SEMA6A: variants seen among roughly 807,000 people sequenced by gnomAD.
SEMA6A encodes the protein semaphorin-6A.
In SEMA6A, 25 loss-of-function variants were observed where a neutral mutation model predicts 96.8. The ratio of observed to expected loss-of-function variants is 0.26; its 90% CI spans 0.19 to 0.36. SEMA6A has a LOEUF of 0.36. SEMA6A is among the 10% of genes least tolerant of loss of function. The pLI is 1.00. For missense variants in SEMA6A, 1,363 were observed against 1,323.1 expected, an observed-to-expected ratio of 1.03 and a Z score of -0.47; for synonymous variants, 612 against 518.0, an observed-to-expected ratio of 1.18 and a Z score of -2.46.
chr5:116,495,050 C>T (rs750403991), intron 6 of SEMA6A, among the ~76,000 whole-genome samples: 37 of 152,270 alleles, frequency 2.4e-4, no homozygotes, highest in East Asian at 7.7e-4. Context: ...AGAAATCACT[C>T]ACCATATAAG....
Position 116,477,779 on chromosome 5 carries a change from A to G in SEMA6A, c.1649+67T>C, listed in dbSNP as rs1756532885. On this transcript the variant is annotated intron_variant, in intron 15 of 18. Coordinates refer to ENST00000343348, the MANE Select transcript of SEMA6A (RefSeq NM_020796.5). ...GTGGTGGTGTGTGTGAGCAGAGCAA[A>G]TCTTACATCTAGAATACACCTTGGC... 1.3e-6 allele frequency: 2 copies of G among 1,505,718 alleles called. 1 individual carries two copies. The highest frequency in any genetic ancestry group is 1.8e-6 in the Non-Finnish European group (2 of 1,083,890). The allele number at this position is 1,505,718 out of a possible 1,614,324, so 93.3% of individuals were successfully genotyped here. A position where few individuals can be genotyped will look rare whatever the true frequency, so the allele number is the denominator to read the frequency against.
intron 6 of SEMA6A, among the ~76,000 whole-genome samples, chr5:116,494,980 G>C (rs190628078): frequency 6.6e-6 from 1 of 152,208 alleles, no homozygotes; most frequent in African/African-American, 2.4e-5. Flanking sequence ...TTAAATTCCT[G>C]TGTTCTTGTA....
At chr5:116,456,079 G>A (rs1342875731) in intron 18 of SEMA6A, among the ~76,000 whole-genome samples, 2 of 152,278 alleles carry the variant, frequency 1.3e-5, no homozygotes, top group Admixed American at 6.5e-5. Context: ...CAACACTTTG[G>A]TAGGGTTCAA....
At chr5:116,573,422 T>C (rs1404444575) in intron 1 of SEMA6A, among the ~76,000 whole-genome samples, 1 of 147,612 alleles carries the variant, frequency 6.8e-6, no homozygotes, top group Non-Finnish European at 1.5e-5. Context: ...GGCTATATCC[T>C]TGCCGCTCGG....
intron 7 of SEMA6A, among the ~76,000 whole-genome samples, chr5:116,489,952 T>C (rs1001248007): frequency 6.6e-6 from 1 of 152,232 alleles, no homozygotes; most frequent in Non-Finnish European, 1.5e-5. Flanking sequence ...TTTTAGTGGA[T>C]TGCAGATATT....
intron 1 of SEMA6A, among the ~76,000 whole-genome samples, chr5:116,505,945 T>C (rs1291414993): frequency 6.6e-6 from 1 of 152,184 alleles, no homozygotes; most frequent in East Asian, 1.9e-4. Context: ...CAAATAAGCA[T>C]TGCTCTATCA....
rs568619119 is a variant in SEMA6A at position 116,479,761 on chromosome 5, T to C, written c.1250+361A>G. Among the ~76,000 whole-genome samples, 16 of 152,234 alleles carry C rather than the reference T, an allele frequency of 1.1e-4. 1 individual carries two copies. The highest frequency in any genetic ancestry group is 2.2e-4 in the Non-Finnish European group (15 of 68,036). On this transcript the variant is annotated intron_variant, in intron 12 of 18. Transcript: ENST00000343348. ...TGAGCCATGCTCAGGTGGAATCTGC[T>C]GCAAGTTTTGTAATCATTTCCAACC...
At chr5:116,474,720 T>C (rs888617254) in intron 16 of SEMA6A, among the ~76,000 whole-genome samples, 3 of 152,332 alleles carry the variant, frequency 2.0e-5, no homozygotes, top group Admixed American at 6.5e-5. Flanking sequence ...CAGGATAATA[T>C]AGCTTCATTC....
At chr5:116,523,510 T>C (rs1759065021) in intron 1 of SEMA6A, among the ~76,000 whole-genome samples, 1 of 152,048 alleles carries the variant, frequency 6.6e-6, no homozygotes, top group South Asian at 2.1e-4. Flanking sequence ...CGGGATTTCA[T>C]CATGTTGCCG....
chr5:116,556,654 T>G (rs1484941496), intron 1 of SEMA6A, among the ~76,000 whole-genome samples: 2 of 152,188 alleles, frequency 1.3e-5, no homozygotes, highest in African/African-American at 4.8e-5. Flanking sequence ...TTTTAACTAC[T>G]CTATCATAAC....
intron 1 of SEMA6A, among the ~76,000 whole-genome samples, chr5:116,557,246 G>C (rs1166575619): frequency 6.6e-6 from 1 of 151,998 alleles, no homozygotes; most frequent in African/African-American, 2.4e-5. Flanking sequence ...TTTGTTTTTT[G>C]AGACAGAGTC....
At chr5:116,497,779 A>G (rs151059170) in intron 3 of SEMA6A, among the ~76,000 whole-genome samples, 3 of 152,214 alleles carry the variant, frequency 2.0e-5, no homozygotes, top group East Asian at 3.9e-4. Context: ...TTGGTATTCA[A>G]CATGCCACAT....
chr5:116,470,782 A>C (rs1224644388), intron 17 of SEMA6A, among the ~76,000 whole-genome samples: 2 of 152,180 alleles, frequency 1.3e-5, no homozygotes, highest in African/African-American at 2.4e-5. Context: ...ATGAGCCTAC[A>C]CTCAGCCACA....
rs557950296 is a variant in SEMA6A at position 116,524,604 on chromosome 5, T to TA, written c.-38-19623dup. On this transcript the variant is annotated intron_variant, in intron 1 of 18. Transcript: ENST00000343348. ...ATCAAGAGGGCAGCTGTCAGACCTT[T>TA]AAAAAAAAAAAATCATGAACAGTCA... Among the ~76,000 whole-genome samples the TA allele has an allele frequency of 2.5e-3, 364 of 146,686 alleles. 1 individual carries two copies. Among genetic ancestry groups the TA allele is most frequent in the Non-Finnish European group, 3.0e-3 (197 of 66,192 alleles).
At chr5:116,508,738 C>G (rs576848134) in intron 1 of SEMA6A, among the ~76,000 whole-genome samples, 1 of 152,326 alleles carries the variant, frequency 6.6e-6, no homozygotes, top group Non-Finnish European at 1.5e-5. Flanking sequence ...TGACAAAACT[C>G]TGGAGTTGAG....
At chr5:116,506,846 T>G (rs914063506) in intron 1 of SEMA6A, among the ~76,000 whole-genome samples, 3 of 152,298 alleles carry the variant, frequency 2.0e-5, no homozygotes, top group East Asian at 1.9e-4. Context: ...TAGAGATGTA[T>G]GTATGCTTTT....
intron 3 of SEMA6A, among the ~76,000 whole-genome samples, chr5:116,499,426 G>A (rs1580441521): frequency 6.6e-6 from 1 of 151,836 alleles, no homozygotes; most frequent in Non-Finnish European, 1.5e-5. Flanking sequence ...GGTTGGCCGG[G>A]GGGTGGGGTG....
At chr5:116,512,998 T>C (rs888183612) in intron 1 of SEMA6A, among the ~76,000 whole-genome samples, 4 of 152,358 alleles carry the variant, frequency 2.6e-5, no homozygotes, top group Admixed American at 2.0e-4. Flanking sequence ...TTTTGAATTT[T>C]ATTTTTACTT....
At chr5:116,490,656 C>T (rs899751371) in intron 7 of SEMA6A, among the ~76,000 whole-genome samples, 2 of 152,152 alleles carry the variant, frequency 1.3e-5, no homozygotes, top group African/African-American at 4.8e-5. Context: ...CTTAACTTGA[C>T]AATCTATCAC....
Sources: allele counts gnomAD v4.1 joint callset (sites outside exome capture counted in the v4.1 genomes callset), GRCh38; gene constraint gnomAD v4.1.1; transcripts MANE v1.5; gene names NCBI Gene and HGNC (gene_info 2026-07-23, HGNC 2026-07-21).